Variants in SCRT2 observed in about 807,000 individuals in gnomAD.
SCRT2 encodes scratch family transcriptional repressor 2.
SCRT2 carries 2 observed loss-of-function variants against 3.7 expected under a neutral mutation model. The ratio of observed to expected loss-of-function variants is 0.54; its 90% CI spans 0.22 to 1.70. The LOEUF (loss-of-function observed/expected upper bound fraction) is 1.70. SCRT2 is among the 40% of genes most tolerant of loss of function. The probability of loss-of-function intolerance (pLI) is 0.19; values close to 1 mark genes in which losing one functional copy is unlikely to be tolerated. For synonymous variants in SCRT2, 256 were observed against 220.6 expected, an observed-to-expected ratio of 1.16 and a Z score of -1.42; for missense variants, 456 against 468.5, an observed-to-expected ratio of 0.97 and a Z score of 0.25.
chr20:672,101 C>T lies in SCRT2; in HGVS notation c.133+3368G>A, dbSNP rs768483400. ...TGTAAGTTGGCATCTCCCAGAAAGACTGAGTCTGTGCTCAGAATCACCCAG... is the reference window on the plus strand; with the variant it reads ...TGTAAGTTGGCATCTCCCAGAAAGATTGAGTCTGTGCTCAGAATCACCCAG... On this transcript the variant is annotated intron_variant, in intron 1 of 1. Coordinates refer to ENST00000246104, the MANE Select transcript of SCRT2 (RefSeq NM_033129.4). Among the ~76,000 whole-genome samples the T allele has an allele frequency of 5.4e-4, 82 of 152,244 alleles. 1 individual carries two copies. Among genetic ancestry groups the T allele is most frequent in the Non-Finnish European group, 1.9e-4 (13 of 68,002 alleles).
At position 675,436 on chromosome 20, in the gene SCRT2, C is replaced by A; in HGVS notation, c.133+33G>T. ...GGCCCCAGCTCCCCTCGCCTCTTCT[C>A]CCAACCCCCCGCCCCCGCCGGGTCC... On this transcript the variant is annotated intron_variant, in intron 1 of 1. Coordinates refer to ENST00000246104, the MANE Select transcript of SCRT2 (RefSeq NM_033129.4). The surrounding 1 kb of genome is among the most constrained non-coding windows in gnomAD (Gnocchi z 6.9). 1.5e-6 allele frequency: 2 copies of A among 1,296,706 alleles called. No individual in the cohort carries two copies. The highest frequency in any genetic ancestry group is 4.9e-5 in the South Asian group (2 of 40,566). The allele number at this position is 1,296,706 out of a possible 1,614,324, so 80.3% of individuals were successfully genotyped here.
chr20:674,865 C>G (rs562247507), intron 1 of SCRT2, among the ~76,000 whole-genome samples: 1 of 152,300 alleles, frequency 6.6e-6, no homozygotes, highest in East Asian at 1.9e-4. Flanking sequence ...CAGAAATCCT[C>G]TCTTTCTTGC....
At chr20:672,388 CGTGTGT>C (rs6147265) in intron 1 of SCRT2, among the ~76,000 whole-genome samples, 15,410 of 147,184 alleles carry the variant, frequency 0.1, 1,235 homozygotes, top group East Asian at 0.28. Flanking sequence ...GAGCATTGCT[CGTGTGT>C]GTGTGTGTGT....
At chr20:674,688 A>AGTGTGTGTGTGT (rs759385819) in intron 1 of SCRT2, among the ~76,000 whole-genome samples, 4 of 129,346 alleles carry the variant, frequency 3.1e-5, no homozygotes, top group East Asian at 5.1e-4. Context: ...GAAGAGATGG[A>AGTGTGTGTGTGT]GTGTGTGTGT....
In SCRT2 at chr20:665,367, A is replaced by G. The variant is rs751075049; in HGVS notation, c.134-906T>C. ...TTGCTGAAGCATTTAACAGGGGTCA[A>G]GTGTGTGGCATGTAATAGGTGCTAC... On this transcript the variant is annotated intron_variant, in intron 1 of 1. Transcript: ENST00000246104. The surrounding 1 kb of genome is among the most constrained non-coding windows in gnomAD (Gnocchi z 5.0). Among the ~76,000 whole-genome samples the G allele has an allele frequency of 1.3e-5, 2 of 152,180 alleles. No individual in the cohort carries two copies. The highest frequency in any genetic ancestry group is 2.4e-5 in the African/African-American group (1 of 41,436).
chr20:674,275 C>T (rs1466475820), intron 1 of SCRT2, among the ~76,000 whole-genome samples: 2 of 151,714 alleles, frequency 1.3e-5, no homozygotes, highest in South Asian at 2.1e-4. Flanking sequence ...CCCCCATCCT[C>T]CCAGGCTCCT....
chr20:669,639 G>T (rs1236300033), intron 1 of SCRT2, among the ~76,000 whole-genome samples: 1 of 152,216 alleles, frequency 6.6e-6, no homozygotes, highest in African/African-American at 2.4e-5. Context: ...CTGCTGTATG[G>T]GTATATTTAG....
rs1984163612 is a variant in SCRT2, at chr20:666,634, GGGAGGTCCTCCA to G, written c.134-2185_134-2174del. Among the ~76,000 whole-genome samples, 2 of 152,340 alleles carry G rather than the reference GGGAGGTCCTCCA, an allele frequency of 1.3e-5. No individual in the cohort carries two copies. The highest frequency in any genetic ancestry group is 3.4e-3 in the Middle Eastern group (1 of 294). The stretch of plus-strand genomic sequence containing the variant: ...CTGCCCCCTTGGTTTCCCACATACT[GGGAGGTCCTCCA>G]GGAGGGGGCTGTGGCTGAGCTGTTC... On this transcript the variant is annotated intron_variant, in intron 1 of 1. Transcript: ENST00000246104. The surrounding 1 kb of genome is among the most constrained non-coding windows in gnomAD (Gnocchi z 4.4).
rs1338382824 is a variant in SCRT2 at position 675,170 on chromosome 20, C to A, written c.133+299G>T. Among the ~76,000 whole-genome samples, 2 of 152,182 alleles carry A rather than the reference C, an allele frequency of 1.3e-5. No individual in the cohort carries two copies. The highest frequency in any genetic ancestry group is 2.9e-5 in the Non-Finnish European group (2 of 68,028). On this transcript the variant is annotated intron_variant, in intron 1 of 1. Coordinates refer to ENST00000246104, the MANE Select transcript of SCRT2 (RefSeq NM_033129.4). The surrounding 1 kb of genome is among the most constrained non-coding windows in gnomAD (Gnocchi z 6.9). ...CCCAGCGCTGGCCTTTCACGAGCAG[C>A]CCCGTCTGTGTTCTCTTGCCACCCC...
chr20:667,266 A>G lies in SCRT2; in HGVS notation c.134-2805T>C, dbSNP rs1489458158. Among the ~76,000 whole-genome samples the G allele has an allele frequency of 2.0e-5, 3 of 152,224 alleles. No individual in the cohort carries two copies. Among genetic ancestry groups the G allele is most frequent in the African/African-American group, 7.2e-5 (3 of 41,458 alleles). On this transcript the variant is annotated intron_variant, in intron 1 of 1. Transcript: ENST00000246104. This position sits in a 1 kb window ranked among gnomAD's most constrained non-coding sequence, Gnocchi z 4.4. ...TAGGTACCCTTTTATAGAAGAGGAA[A>G]CCAAGGCACAAGGAAGCTAAGTAAC...
In SCRT2 at chr20:665,409, C is replaced by T. The variant is rs546183911; in HGVS notation, c.134-948G>A. On this transcript the variant is annotated intron_variant, in intron 1 of 1. Coordinates refer to ENST00000246104, the MANE Select transcript of SCRT2 (RefSeq NM_033129.4). This position sits in a 1 kb window ranked among gnomAD's most constrained non-coding sequence, Gnocchi z 5.0. ...AGGTGCTACAGAAAGGGGACTTCCT[C>T]GCACCTGCTCCCAAGCCTGCTCTAG... Among the ~76,000 whole-genome samples the T allele has an allele frequency of 6.6e-6, 1 of 152,288 alleles. No individual in the cohort carries two copies. Among genetic ancestry groups the T allele is most frequent in the South Asian group, 2.1e-4 (1 of 4,826 alleles).
At chr20:672,071 G>A (rs1984350121) in intron 1 of SCRT2, among the ~76,000 whole-genome samples, 1 of 152,148 alleles carries the variant, frequency 6.6e-6, no homozygotes, top group Non-Finnish European at 1.5e-5. Flanking sequence ...AGAGGGTTAG[G>A]ATGATGTAAG....
rs551089416 is a variant in SCRT2, at chr20:663,370, G to A, written c.*301C>T. On this transcript the variant is annotated 3_prime_UTR_variant, in exon 2 of 2. Coordinates refer to ENST00000246104, the MANE Select transcript of SCRT2 (RefSeq NM_033129.4). This position sits in a 1 kb window ranked among gnomAD's most constrained non-coding sequence, Gnocchi z 6.9. Reference sequence around the variant, plus strand: ...AGGGAGAAATTTCCGGCTCTGGGGCGCGGGAGAGGTGCGGACCTGGTGCCT... The same window carrying A: ...AGGGAGAAATTTCCGGCTCTGGGGCACGGGAGAGGTGCGGACCTGGTGCCT... The A allele has an allele frequency of 8.8e-6, 3 of 340,304 alleles. No homozygotes were observed. Among genetic ancestry groups the A allele is most frequent in the Non-Finnish European group, 1.6e-5 (3 of 189,570 alleles). 21.1% of individuals were successfully genotyped at this position (340,304 alleles called of 1,614,324 possible). A position where few individuals can be genotyped will look rare whatever the true frequency, so the allele number is the denominator to read the frequency against.
In SCRT2 at chr20:664,019, G is replaced by A; in HGVS notation, c.576C>T (p.Gly192=). The A allele has an allele frequency of 6.2e-7, 1 of 1,612,034 alleles. No individual in the cohort carries two copies. The highest frequency in any genetic ancestry group is 8.5e-7 in the Non-Finnish European group (1 of 1,179,630). ...SQLARKCPTC[G]KAYVSMPALA... ...GCGCGGGCATGGACACGTAGGCCTT[G>A]CCGCACGTCGGGCATTTGCGCGCCA... The change falls in exon 2 of 2, where the codon GGC becomes GGT. Residue 192 remains glycine, a synonymous_variant. Transcript: ENST00000246104. The surrounding 1 kb of genome is among the most constrained non-coding windows in gnomAD (Gnocchi z 7.9).
rs1433475622 is a variant in SCRT2, at chr20:664,392, G to GGGGCCAGCTCCA, written c.191_202dup (p.Leu64_Ala67dup). 1 of 1,405,556 alleles carries GGGGCCAGCTCCA rather than the reference G, an allele frequency of 7.1e-7. No homozygotes were observed. The highest frequency in any genetic ancestry group is 9.4e-7 in the Non-Finnish European group (1 of 1,067,186). The allele number at this position is 1,405,556 out of a possible 1,614,324, so 87.1% of individuals were successfully genotyped here. A position where few individuals can be genotyped will look rare whatever the true frequency, so the allele number is the denominator to read the frequency against. The stretch of plus-strand genomic sequence containing the variant: ...CGCCGGCGGGTACGCGGGCTCGGCC[G>GGGGCCAGCTCCA]GGGCCAGCTCCAGGCCCGGCTTCTG... On this transcript the variant is annotated inframe_insertion, in exon 2 of 2. Transcript: ENST00000246104. This position sits in a 1 kb window ranked among gnomAD's most constrained non-coding sequence, Gnocchi z 7.9.
Position 664,424 on chromosome 20 carries a change from A to G in SCRT2, c.171T>C (p.Asp57=). 1 of 1,322,774 alleles carries G rather than the reference A, an allele frequency of 7.6e-7. No homozygotes were observed. The highest frequency in any genetic ancestry group is 2.0e-5 in the South Asian group (1 of 50,348). The allele number at this position is 1,322,774 out of a possible 1,614,324, so 81.9% of individuals were successfully genotyped here. ...APHRLPPSSY[D]ADQKPGLELA... ...GCTCCAGGCCCGGCTTCTGGTCCGC[A>G]TCGTAGCTGCTCGGGGGCAGGCGGT... is the stretch of plus-strand genomic sequence containing the variant. Residue 57 remains aspartate (D), a synonymous_variant, in exon 2 of 2, where the codon GAT becomes GAC. Coordinates refer to ENST00000246104, the MANE Select transcript of SCRT2 (RefSeq NM_033129.4). The surrounding 1 kb of genome is among the most constrained non-coding windows in gnomAD (Gnocchi z 7.9).
chr20:674,352 TTCTC>T (rs1223736380), intron 1 of SCRT2, among the ~76,000 whole-genome samples: 2 of 109,232 alleles, frequency 1.8e-5, no homozygotes, highest in African/African-American at 3.7e-5. Flanking sequence ...ATCTCCCTCT[TTCTC>T]TCTCTCTCTT....
chr20:675,370 T>A lies in SCRT2; in HGVS notation c.133+99A>T. On this transcript the variant is annotated intron_variant, in intron 1 of 1. Transcript: ENST00000246104. This position sits in a 1 kb window ranked among gnomAD's most constrained non-coding sequence, Gnocchi z 6.9. ...CCAGAGAGATCTCCTCCCGGGGGTT[T>A]CCTGTCGCACGCGCCCCTCCTCGTG... is the stretch of plus-strand genomic sequence containing the variant. 1 of 1,049,644 alleles carries A rather than the reference T, an allele frequency of 9.5e-7. No homozygotes were observed. The highest frequency in any genetic ancestry group is 1.2e-6 in the Non-Finnish European group (1 of 812,814). 65.0% of individuals were successfully genotyped at this position (1,049,644 alleles called of 1,614,324 possible).
chr20:664,052 G>A lies in SCRT2; in HGVS notation c.543C>T (p.Asp181=), dbSNP rs769278186. Residue 181 remains aspartate (D), a synonymous_variant, in exon 2 of 2, where the codon GAC becomes GAT. Transcript: ENST00000246104. This position sits in a 1 kb window ranked among gnomAD's most constrained non-coding sequence, Gnocchi z 7.9. ...SRHKQTHRSL[D]SQLARKCPTC... is the part of the protein sequence containing the mutation. The stretch of plus-strand genomic sequence containing the variant: ...TCGGGCATTTGCGCGCCAGCTGGCT[G>A]TCCAGGCTGCGGTGCGTCTGCTTGT... 2 of 1,611,840 alleles carry A rather than the reference G, an allele frequency of 1.2e-6. No individual in the cohort carries two copies. The highest frequency in any genetic ancestry group is 1.7e-6 in the Non-Finnish European group (2 of 1,179,596).
Sources: gnomAD v4.1 joint callset for allele counts (sites outside exome capture counted in the v4.1 genomes callset) on GRCh38, gnomAD v4.1.1 for gene constraint, Gnocchi (gnomAD v3.1) non-coding constraint, MANE v1.5 for transcripts, NCBI Gene and HGNC (gene_info 2026-07-23, HGNC 2026-07-21) for gene names.